MLLT10: variants seen among roughly 807,000 people sequenced by gnomAD.
MLLT10 encodes protein AF-10.
Under a neutral mutation model 129.1 loss-of-function variants are expected in MLLT10, and 30 were observed. The ratio of observed to expected loss-of-function variants is 0.23; its 90% confidence interval spans 0.17 to 0.32. The LOEUF (loss-of-function observed/expected upper bound fraction) is 0.32, where lower values mean the gene tolerates loss of function less well. Among genes scored for constraint, MLLT10 ranks in the 10% least tolerant of loss-of-function variants. The probability of loss-of-function intolerance (pLI) is 1.00; values close to 1 mark genes in which losing one functional copy is unlikely to be tolerated. For missense variants in MLLT10, 1,119 were observed against 1,268.3 expected, an observed-to-expected ratio of 0.88 and a Z score of 1.79; for synonymous variants, 490 against 446.4, an observed-to-expected ratio of 1.10 and a Z score of -1.23.
intron 3 of MLLT10, among the ~76,000 whole-genome samples, chr10:21,583,499 C>G (rs1214552637): frequency 6.6e-6 from 1 of 152,020 alleles, no homozygotes; most frequent in Non-Finnish European, 1.5e-5. Flanking sequence ...AAAGGAATAC[C>G]TGAAACTGGG....
intron 10 of MLLT10, among the ~76,000 whole-genome samples, chr10:21,672,360 T>C (rs1196722221): frequency 6.6e-6 from 1 of 152,088 alleles, no homozygotes; most frequent in Non-Finnish European, 1.5e-5. Context: ...CCCAAGTAGA[T>C]GGGACCACAA....
At chr10:21,728,866 AT>A (rs201564671) in intron 16 of MLLT10, among the ~76,000 whole-genome samples, 2,202 of 139,126 alleles carry the variant, frequency 0.016, 31 homozygotes, top group African/African-American at 0.037. Flanking sequence ...CATGTCTACA[AT>A]TTTTTTTTTT....
chr10:21,737,565 G>A (rs1473243484), intron 21 of MLLT10, among the ~76,000 whole-genome samples: 1 of 152,192 alleles, frequency 6.6e-6, no homozygotes, highest in Non-Finnish European at 1.5e-5. Flanking sequence ...CCCACTTTCA[G>A]TGCTTCTGAT....
chr10:21,647,989 C>G (rs1480742009), intron 8 of MLLT10, among the ~76,000 whole-genome samples: 1 of 151,952 alleles, frequency 6.6e-6, no homozygotes, highest in Non-Finnish European at 1.5e-5. Context: ...TTACTTAACC[C>G]TTTAACCCAT....
intron 8 of MLLT10, among the ~76,000 whole-genome samples, chr10:21,628,740 CTTTTTTTTTTTTTT>C (rs1161362725): frequency 1.0e-5 from 1 of 99,362 alleles, no homozygotes; most frequent in Non-Finnish European, 2.0e-5. Context: ...TGTGCCCTGC[CTTTTTTTTTTTTTT>C]TTTTTTTTTT....
At chr10:21,570,376 TTTC>T (rs1488869531) in intron 3 of MLLT10, among the ~76,000 whole-genome samples, 1 of 152,200 alleles carries the variant, frequency 6.6e-6, no homozygotes, top group African/African-American at 2.4e-5. Flanking sequence ...CTCAGCCACT[TTTC>T]TTCATGTTTC....
rs1312333941 is a variant in MLLT10, at chr10:21,557,047, A to AT, written c.240+18141dup. The AT allele has an allele frequency of 2.9e-5, 41 of 1,416,376 alleles. No individual in the cohort carries two copies. The Middle Eastern group carries it at 1.0e-3, about 36-fold the overall frequency. The allele number at this position is 1,416,376 out of a possible 1,614,324, so 87.7% of individuals were successfully genotyped here. A position where few individuals can be genotyped will look rare whatever the true frequency, so the allele number is the denominator to read the frequency against. On this transcript the variant is annotated intron_variant, in intron 3 of 22. Transcript: ENST00000307729. ...GTCTTCAGTCTATCCTGTTTACTTG[A>AT]TTTTTTCCCACTCAACTCACAAACA...
At chr10:21,727,737 G>C (rs2057631905) in intron 15 of MLLT10, 119 bp from the exon 16 acceptor site, 1 of 696,342 alleles carries the variant, frequency 1.4e-6, no homozygotes, top group African/African-American at 1.8e-5. Context: ...TATTTTCGTG[G>C]GAACTGCAAA....
chr10:21,700,518 A>T (rs373633476), intron 13 of MLLT10, among the ~76,000 whole-genome samples: 54 of 152,184 alleles, frequency 3.5e-4, no homozygotes, highest in African/African-American at 1.2e-3. Flanking sequence ...TATGGCCTTT[A>T]TTATTTTGCA....
At chr10:21,654,822 A>G (rs1435899021) in intron 9 of MLLT10, among the ~76,000 whole-genome samples, 1 of 152,140 alleles carries the variant, frequency 6.6e-6, no homozygotes, top group Non-Finnish European at 1.5e-5. Context: ...GGGTAGGGAA[A>G]TGAGGACAAT....
chr10:21,562,818 G>GTTTTTTTTTTTT (rs1163404490), intron 3 of MLLT10, among the ~76,000 whole-genome samples: 25 of 82,588 alleles, frequency 3.0e-4, no homozygotes, highest in East Asian at 1.0e-3. Context: ...TGTTTTTTTT[G>GTTTTTTTTTTTT]TTTTTTTTTT....
At position 21,721,293 on chromosome 10, in the gene MLLT10, C is replaced by T. The variant is rs1294158967; in HGVS notation, c.1879-4951C>T. Among the ~76,000 whole-genome samples, 16 of 152,232 alleles carry T rather than the reference C, an allele frequency of 1.1e-4. No individual in the cohort carries two copies. In the East Asian group the frequency reaches 3.1e-3, roughly 29 times the overall value. On this transcript the variant is annotated intron_variant, in intron 14 of 22. Transcript: ENST00000307729. The stretch of plus-strand genomic sequence containing the variant: ...TCTAGATGATACATTGCTGTTAATA[C>T]AGTGCTTTCCAAAGGTGAAATATTT...
chr10:21,709,186 A>C (rs2055831995), intron 13 of MLLT10, among the ~76,000 whole-genome samples: 2 of 150,412 alleles, frequency 1.3e-5, no homozygotes, highest in African/African-American at 4.9e-5. Flanking sequence ...CTCCCTGTGT[A>C]GTACACTTTT....
At chr10:21,554,945 C>A (rs1024719663) in intron 3 of MLLT10, among the ~76,000 whole-genome samples, 13 of 151,844 alleles carry the variant, frequency 8.6e-5, no homozygotes, top group African/African-American at 3.1e-4. Flanking sequence ...CCTCAGCCTC[C>A]CGAGTACCTG....
Position 21,727,429 on chromosome 10 carries a change from T to A in MLLT10, c.1991-427T>A, listed in dbSNP as rs139498560. ...GTCTTGGTGTGCAGCTCTATGTAAA[T>A]GTGTTTTATGGCTTGTCTTGGGATG... On this transcript the variant is annotated intron_variant, in intron 15 of 22. Transcript: ENST00000307729. 7.2e-5 allele frequency among the ~76,000 whole-genome samples: 11 copies of A among 152,336 alleles called. No homozygotes were observed. The East Asian group carries it at 2.1e-3, about 29-fold the overall frequency.
chr10:21,666,671 AAAT>A (rs1368032002), intron 9 of MLLT10, among the ~76,000 whole-genome samples: 8 of 139,954 alleles, frequency 5.7e-5, no homozygotes, highest in Non-Finnish European at 1.0e-4. Flanking sequence ...CAAAAAAAAA[AAAT>A]AAATAAAAAA....
chr10:21,569,966 A>G (rs563133421), intron 3 of MLLT10, among the ~76,000 whole-genome samples: 2 of 151,180 alleles, frequency 1.3e-5, no homozygotes, highest in South Asian at 2.1e-4. Flanking sequence ...CTAGAGTGCA[A>G]TGGCATGATC....
chr10:21,675,578 A>G (rs911058797), intron 11 of MLLT10, among the ~76,000 whole-genome samples: 3 of 152,232 alleles, frequency 2.0e-5, no homozygotes, highest in Non-Finnish European at 4.4e-5. Flanking sequence ...TTTTATTTAT[A>G]TGTTTCCTTT....
chr10:21,620,207 C>T (rs1245963143), intron 8 of MLLT10, among the ~76,000 whole-genome samples: 1 of 152,110 alleles, frequency 6.6e-6, no homozygotes, highest in Non-Finnish European at 1.5e-5. Context: ...GGATTACAGG[C>T]GTGAGCCATC....
Sources: allele counts gnomAD v4.1 joint callset (sites outside exome capture counted in the v4.1 genomes callset), GRCh38; gene constraint gnomAD v4.1.1; transcripts MANE v1.5; gene names NCBI Gene and HGNC (gene_info 2026-07-23, HGNC 2026-07-21).